Variants in IP6K2 observed in about 807,000 individuals in gnomAD.
IP6K2 encodes ATP:1D-myo-inositol-hexakisphosphate phosphotransferase.
IP6K2 carries 9 observed loss-of-function variants against 43.3 expected under a neutral mutation model. The ratio of observed to expected loss-of-function variants is 0.21; its 90% CI spans 0.13 to 0.36. The LOEUF (loss-of-function observed/expected upper bound fraction) is 0.36, where lower values mean the gene tolerates loss of function less well. Ranked by LOEUF, IP6K2 falls within the 10% of genes least tolerant of loss-of-function variation. The pLI is 1.00. For synonymous variants in IP6K2, 209 were observed against 202.4 expected, an observed-to-expected ratio of 1.03 and a Z score of -0.28; for missense variants, 332 against 538.4, an observed-to-expected ratio of 0.62 and a Z score of 3.79.
intron 1 of IP6K2, among the ~76,000 whole-genome samples, chr3:48,700,466 C>T (rs905322969): frequency 4.6e-5 from 7 of 152,078 alleles, no homozygotes; most frequent in African/African-American, 1.7e-4. Context: ...CAGGAAATAA[C>T]TGCAAAATAC....
chr3:48,693,925 A>C, intron 2 of IP6K2: 2 of 1,329,146 alleles, frequency 1.5e-6, no homozygotes, highest in Non-Finnish European at 1.9e-6. Flanking sequence ...ATGAGTAATT[A>C]AGACAGTCTT....
Position 48,693,194 on chromosome 3 carries a change from G to C in IP6K2, c.203-15C>G, listed in dbSNP as rs772873257. 3 of 1,594,614 alleles carry C rather than the reference G, an allele frequency of 1.9e-6. No individual in the cohort carries two copies. The highest frequency in any genetic ancestry group is 2.2e-5 in the South Asian group (2 of 90,608). On this transcript the variant is annotated splice_polypyrimidine_tract_variant and intron_variant, in intron 2 of 5. Coordinates refer to ENST00000328631, the MANE Select transcript of IP6K2 (RefSeq NM_016291.4). ...AGATACCACACCTGGAAGGGGGTGAGGAGCAGAAAGAACTTTTAATTTAGC... is the reference window on the plus strand; with the variant it reads ...AGATACCACACCTGGAAGGGGGTGACGAGCAGAAAGAACTTTTAATTTAGC...
At chr3:48,694,555 A>G in intron 2 of IP6K2, 1 of 1,521,662 alleles carries the variant, frequency 6.6e-7, no homozygotes, top group East Asian at 2.5e-5. Flanking sequence ...AAGAAATAAA[A>G]AATTATCATA....
At chr3:48,690,771 G>A (rs4858799) in intron 4 of IP6K2, among the ~76,000 whole-genome samples, 19,216 of 144,208 alleles carry the variant, frequency 0.13, 1,451 homozygotes, top group African/African-American at 0.2. Context: ...CCTGGGGGAC[G>A]AGCAAGACTC....
At chr3:48,710,270 G>A (rs1481942321) in intron 1 of IP6K2, among the ~76,000 whole-genome samples, 2 of 152,134 alleles carry the variant, frequency 1.3e-5, no homozygotes, top group African/African-American at 4.8e-5. Context: ...TGCGCCTGTA[G>A]TCCTAGCTAC....
intron 1 of IP6K2, chr3:48,716,606 G>A (rs1395889355): frequency 1.3e-5 from 2 of 152,166 alleles, no homozygotes; most frequent in Non-Finnish European, 2.9e-5. Flanking sequence ...ATAAGGTTAA[G>A]TGTGTAGATT....
chr3:48,693,233 G>GT (rs1330555981), intron 2 of IP6K2, 54 bp from the exon 3 acceptor site: 18 of 1,430,186 alleles, frequency 1.3e-5, no homozygotes, highest in Non-Finnish European at 1.5e-5. Context: ...AAGAAGCGTT[G>GT]TAAGTAACAT....
intron 1 of IP6K2, among the ~76,000 whole-genome samples, chr3:48,703,630 T>C (rs2106936165): frequency 6.6e-6 from 1 of 150,902 alleles, no homozygotes; most frequent in East Asian, 1.9e-4. Flanking sequence ...GGCAGGAGAA[T>C]GGCGTGAACC....
At chr3:48,714,185 T>C (rs1325678456) in intron 1 of IP6K2, among the ~76,000 whole-genome samples, 1 of 152,052 alleles carries the variant, frequency 6.6e-6, no homozygotes, top group Non-Finnish European at 1.5e-5. Flanking sequence ...AGAAATTTGT[T>C]TAGTTTTGTT....
Position 48,695,486 on chromosome 3 carries a change from C to T in IP6K2, c.-130-65G>A, listed in dbSNP as rs950079869. On this transcript the variant is annotated intron_variant, in intron 1 of 5. Coordinates refer to ENST00000328631, the MANE Select transcript of IP6K2 (RefSeq NM_016291.4). The surrounding 1 kb of genome is among the most constrained non-coding windows in gnomAD (Gnocchi z 4.6). ...GCGTGGGAAGTGCCTTAGAGCTGCT[C>T]ACCCTGCTCCTTCAGCAGAAAGACA... The T allele has an allele frequency of 1.9e-5, 25 of 1,310,590 alleles. No homozygotes were observed. Among genetic ancestry groups the T allele is most frequent in the Non-Finnish European group, 2.3e-5 (24 of 1,027,742 alleles). The allele number at this position is 1,310,590 out of a possible 1,614,324, so 81.2% of individuals were successfully genotyped here.
At chr3:48,707,000 A>G (rs1174090112) in intron 1 of IP6K2, among the ~76,000 whole-genome samples, 2 of 152,158 alleles carry the variant, frequency 1.3e-5, no homozygotes, top group African/African-American at 4.8e-5. Context: ...TTGTTTAAAG[A>G]TGGCATTTAT....
At position 48,688,892 on chromosome 3, in the gene IP6K2, C is replaced by A. The variant is rs2077542163; in HGVS notation, c.781-119G>T. ...GACAGCCCAGATCAGATAAAGTACA[C>A]CAGTTGCACATGAGCCACTGTCCAC... On this transcript the variant is annotated intron_variant, in intron 5 of 5. Coordinates refer to ENST00000328631, the MANE Select transcript of IP6K2 (RefSeq NM_016291.4). This position sits in a 1 kb window ranked among gnomAD's most constrained non-coding sequence, Gnocchi z 5.1. 2.8e-6 allele frequency: 3 copies of A among 1,068,240 alleles called. No individual in the cohort carries two copies. The South Asian group carries it at 4.7e-5, about 17-fold the overall frequency. 66.2% of individuals were successfully genotyped at this position (1,068,240 alleles called of 1,614,324 possible). A position where few individuals can be genotyped will look rare whatever the true frequency, so the allele number is the denominator to read the frequency against.
intron 3 of IP6K2, 56 bp from the exon 4 acceptor site, chr3:48,691,538 G>C (rs2077777736): frequency 7.5e-7 from 1 of 1,334,370 alleles, no homozygotes; most frequent in African/African-American, 1.5e-5. Context: ...TCAGAAGGCC[G>C]GGCATGGTGG....
At chr3:48,693,993 A>G in intron 2 of IP6K2, 1 of 1,372,254 alleles carries the variant, frequency 7.3e-7, no homozygotes, top group South Asian at 1.8e-5. Context: ...CGCCTTACAA[A>G]CGACTGGCTG....
chr3:48,690,338 C>A (rs899971863), intron 4 of IP6K2, among the ~76,000 whole-genome samples: 12 of 152,100 alleles, frequency 7.9e-5, no homozygotes, highest in Admixed American at 7.2e-4. Context: ...TTTAAGAGAC[C>A]AAAAAATAGA....
intron 1 of IP6K2, among the ~76,000 whole-genome samples, chr3:48,713,873 T>G (rs1040788697): frequency 6.6e-6 from 1 of 151,564 alleles, no homozygotes; most frequent in Non-Finnish European, 1.5e-5. Flanking sequence ...TCCCAACACT[T>G]TGGGAGGCCG....
At chr3:48,699,786 G>A (rs943859337) in intron 1 of IP6K2, 1 of 152,128 alleles carries the variant, frequency 6.6e-6, no homozygotes, top group Non-Finnish European at 1.5e-5. Context: ...TTCGTTTTAC[G>A]GTCTGTAAAA....
intron 3 of IP6K2, 149 bp downstream of exon 3, chr3:48,692,805 C>G (rs2077915840): frequency 1.5e-6 from 1 of 664,968 alleles, no homozygotes; most frequent in Non-Finnish European, 2.7e-6. Context: ...CAAAGAGAGG[C>G]TGAGTATGCC....
At chr3:48,694,667 C>A in intron 2 of IP6K2, 1 of 1,505,936 alleles carries the variant, frequency 6.6e-7, no homozygotes, top group Admixed American at 2.5e-5. Flanking sequence ...TGCATTCCAT[C>A]TGACTCAACG....
Sources: allele counts gnomAD v4.1 joint callset (sites outside exome capture counted in the v4.1 genomes callset), GRCh38; gene constraint gnomAD v4.1.1; non-coding constraint Gnocchi (gnomAD v3.1); transcripts MANE v1.5; gene names NCBI Gene and HGNC (gene_info 2026-07-23, HGNC 2026-07-21).